The following VSIR variants were observed in gnomAD, a reference collection of about 807,000 sequenced individuals.
VSIR encodes the protein V-set immunoregulatory receptor.
Under a neutral mutation model 31.0 loss-of-function variants are expected in VSIR, and 10 were observed. The observed-to-expected ratio is 0.32, with a 90% confidence interval of 0.20 to 0.55. VSIR has a LOEUF of 0.55. Ranked by LOEUF, VSIR falls within the 20% of genes least tolerant of loss-of-function variation. The pLI is 0.93. For synonymous variants in VSIR, 179 were observed against 180.1 expected (o/e 0.99, Z 0.05); for missense variants, 356 against 416.2 (o/e 0.86, Z 1.26).
rs149547682 is a variant in VSIR, at chr10:71,763,573, C to T, written c.83-1547G>A. On this transcript the variant is annotated intron_variant, in intron 1 of 6. Transcript: ENST00000394957. ...CCAGGAGGGAGGCAGCCTGGTGGGG[C>T]TTCTGGAGCTGGCCAGCCTGTACTG... Among the ~76,000 whole-genome samples the T allele has an allele frequency of 2.9e-3, 438 of 152,340 alleles. 2 individuals are homozygous for T. The highest frequency in any genetic ancestry group is 1.0e-2 in the African/African-American group (414 of 41,584).
intron 1 of VSIR, among the ~76,000 whole-genome samples, chr10:71,764,355 G>A (rs934745276): frequency 2.0e-5 from 3 of 152,132 alleles, no homozygotes; most frequent in African/African-American, 7.2e-5. Context: ...CACACAGCAA[G>A]CAAGTGCTAG....
chr10:71,765,719 T>TCC (rs2132899109), intron 1 of VSIR, among the ~76,000 whole-genome samples: 1 of 152,056 alleles, frequency 6.6e-6, no homozygotes, highest in South Asian at 2.1e-4. Flanking sequence ...CCCCCACACC[T>TCC]CCCCACCCCT....
intron 3 of VSIR, chr10:71,760,645 A>G: frequency 1.9e-6 from 1 of 536,296 alleles, no homozygotes; most frequent in Non-Finnish European, 3.4e-6. Context: ...CACTCCAGAG[A>G]GTCAAGAGGA....
At chr10:71,754,771 A>ATGG (rs1840090496) in intron 4 of VSIR, among the ~76,000 whole-genome samples, 1 of 152,146 alleles carries the variant, frequency 6.6e-6, no homozygotes, top group African/African-American at 2.4e-5. Context: ...TTTTTATTAT[A>ATGG]TGGTGGACTT....
intron 1 of VSIR, among the ~76,000 whole-genome samples, chr10:71,764,457 A>G (rs1184818323): frequency 6.6e-6 from 1 of 152,206 alleles, no homozygotes; most frequent in East Asian, 1.9e-4. Context: ...GCCTTCACAC[A>G]TATTTCATTG....
intron 1 of VSIR, among the ~76,000 whole-genome samples, chr10:71,768,828 T>G (rs761199916): frequency 2.6e-5 from 4 of 152,200 alleles, no homozygotes; most frequent in Non-Finnish European, 5.9e-5. Flanking sequence ...CCTTCCACCC[T>G]ATGAGGTAGG....
Position 71,751,975 on chromosome 10 carries a change from G to A in VSIR, c.705-114C>T. The A allele has an allele frequency of 8.7e-7, 1 of 1,146,756 alleles. No homozygotes were observed. The highest frequency in any genetic ancestry group is 1.3e-6 in the Non-Finnish European group (1 of 793,696). The allele number at this position is 1,146,756 out of a possible 1,614,324, so 71.0% of individuals were successfully genotyped here. A position where few individuals can be genotyped will look rare whatever the true frequency, so the allele number is the denominator to read the frequency against. ...CTCTCACCTACATCCCCATCCCCAA[G>A]CCTCAGCAGCATCTCCAAGCAAGAA... On this transcript the variant is annotated intron_variant, in intron 5 of 6. Transcript: ENST00000394957. The surrounding 1 kb of genome is among the most constrained non-coding windows in gnomAD (Gnocchi z 4.9).
chr10:71,760,754 G>T, intron 3 of VSIR, 114 bp downstream of exon 3: 1 of 930,414 alleles, frequency 1.1e-6, no homozygotes, highest in Non-Finnish European at 1.8e-6. Context: ...GAGGAGGACC[G>T]GGGGGTTCTG....
Position 71,749,300 on chromosome 10 carries a change from C to T in VSIR, c.*1953G>A, listed in dbSNP as rs1839932769. The T allele has an allele frequency of 6.6e-6, 1 of 152,276 alleles. No individual in the cohort carries two copies. The highest frequency in any genetic ancestry group is 2.4e-5 in the African/African-American group (1 of 41,404). The allele number at this position is 152,276 out of a possible 1,614,324, so 9.4% of individuals were successfully genotyped here. ...TGTGAAAAACATACCCTCTTTCCTT[C>T]TTTCTTTCTTTTTAAAATTTGTTTT... On this transcript the variant is annotated 3_prime_UTR_variant, in exon 7 of 7. Transcript: ENST00000394957.
intron 3 of VSIR, among the ~76,000 whole-genome samples, chr10:71,758,721 T>C (rs1671418242): frequency 6.6e-6 from 1 of 152,174 alleles, no homozygotes; most frequent in South Asian, 2.1e-4. Context: ...GCCTACTTCA[T>C]AGAGTTCTTA....
intron 1 of VSIR, among the ~76,000 whole-genome samples, chr10:71,766,594 T>A (rs1840550759): frequency 6.6e-6 from 1 of 152,208 alleles, no homozygotes; most frequent in Admixed American, 6.5e-5. Context: ...TAAAATCCTG[T>A]GGGCAGGAGG....
chr10:71,773,500 G>C lies in VSIR; in HGVS notation c.-61C>G. 1 of 1,504,096 alleles carries C rather than the reference G, an allele frequency of 6.6e-7. No homozygotes were observed. The highest frequency in any genetic ancestry group is 9.0e-7 in the Non-Finnish European group (1 of 1,106,218). The allele number at this position is 1,504,096 out of a possible 1,614,324, so 93.2% of individuals were successfully genotyped here. ...GGGGAGCGGGCGGGACGCGGCCGGC[G>C]CGGGGAAGCCTCCCGCGACTGAGTG... On this transcript the variant is annotated 5_prime_UTR_variant, in exon 1 of 7. Transcript: ENST00000394957.
At chr10:71,758,841 A>G (rs561969311) in intron 3 of VSIR, among the ~76,000 whole-genome samples, 1 of 152,318 alleles carries the variant, frequency 6.6e-6, no homozygotes, top group African/African-American at 2.4e-5. Flanking sequence ...AGCCTGGGCA[A>G]CATAGCGAGA....
chr10:71,765,597 G>A (rs1840518962), intron 1 of VSIR, among the ~76,000 whole-genome samples: 1 of 152,196 alleles, frequency 6.6e-6, no homozygotes, highest in Non-Finnish European at 1.5e-5. Flanking sequence ...ACCCGCAGCA[G>A]TAGGGAAGGG....
intron 5 of VSIR, 144 bp downstream of exon 5, chr10:71,752,831 A>G (rs1404236288): frequency 2.0e-6 from 2 of 980,728 alleles, no homozygotes; most frequent in East Asian, 2.7e-5. Context: ...ATCTGCACAG[A>G]TGTGCAGGCT....
At chr10:71,761,012 C>A in intron 2 of VSIR, 88 bp from the exon 3 acceptor site, 4 of 1,367,806 alleles carry the variant, frequency 2.9e-6, no homozygotes, top group Non-Finnish European at 4.2e-6. Flanking sequence ...CCCTCCTGCC[C>A]CAGGTTCTCA....
Position 71,762,005 on chromosome 10 carries a change from A to T in VSIR, c.104T>A (p.Val35Asp), listed in dbSNP as rs1032952373. ...GACATACAGGGAATACGGCGTGGCG[A>T]CCTTGAAGGCTGCCACCGGACCTGC... is the stretch of plus-strand genomic sequence containing the variant. The part of the protein sequence containing the change: ...ASLGPVAAFK[V>D]ATPYSLYVCP... The change falls in exon 2 of 7, where the codon GTC becomes GAC. Residue 35 changes from valine to aspartate, a missense_variant. By Grantham distance (152) the Val-to-Asp change is radical. Coordinates refer to ENST00000394957, the MANE Select transcript of VSIR (RefSeq NM_022153.2). The T allele has an allele frequency of 4.4e-6, 7 of 1,606,712 alleles. No individual in the cohort carries two copies. The highest frequency in any genetic ancestry group is 5.1e-6 in the Non-Finnish European group (6 of 1,175,658).
intron 4 of VSIR, among the ~76,000 whole-genome samples, chr10:71,754,788 C>T (rs1840091188): frequency 6.6e-6 from 1 of 152,100 alleles, no homozygotes; most frequent in African/African-American, 2.4e-5. Context: ...ACTTCTATTC[C>T]CTGGAAAGAG....
chr10:71,761,071 G>T (rs3747868), intron 2 of VSIR, 147 bp from the exon 3 acceptor site: 169,892 of 748,012 alleles, frequency 0.23, 21,024 homozygotes, highest in Non-Finnish European at 0.26. Flanking sequence ...CTGCACACGT[G>T]TGCACCCACA....
Sources: allele counts gnomAD v4.1 joint callset (sites outside exome capture counted in the v4.1 genomes callset), GRCh38; gene constraint gnomAD v4.1.1; non-coding constraint Gnocchi (gnomAD v3.1); transcripts MANE v1.5; gene names NCBI Gene and HGNC (gene_info 2026-07-23, HGNC 2026-07-21).